Variants in GRIN2B observed in about 807,000 individuals in gnomAD.
GRIN2B encodes the protein glutamate ionotropic receptor NMDA type subunit 2B, also known as glutamate receptor ionotropic, NMDA 2B.
A neutral mutation model predicts 114.5 loss-of-function variants in GRIN2B; 5 were observed. The ratio of observed to expected loss-of-function variants is 0.04; its 90% CI spans 0.02 to 0.09. The LOEUF is 0.09. Ranked by LOEUF, GRIN2B falls within the 10% of genes least tolerant of loss-of-function variation. GRIN2B has a pLI of 1.00. For missense variants in GRIN2B, 1,108 were observed against 1,943.5 expected (o/e 0.57, Z 8.08); for synonymous variants, 787 against 745.1 (o/e 1.06, Z -0.92).
chr12:13,947,185 C>T (rs185928201), intron 2 of GRIN2B, among the ~76,000 whole-genome samples: 130 of 152,290 alleles, frequency 8.5e-4, no homozygotes, highest in African/African-American at 2.9e-3. Context: ...TGCTGTGTTG[C>T]AGAACTTCTC....
chr12:13,745,981 C>A (rs1276181081), intron 4 of GRIN2B, among the ~76,000 whole-genome samples: 1 of 151,370 alleles, frequency 6.6e-6, no homozygotes, highest in Non-Finnish European at 1.5e-5. Flanking sequence ...TTAAAAAAAA[C>A]ACCTTGCTCT....
chr12:13,818,595 C>G (rs1196944953), intron 3 of GRIN2B, among the ~76,000 whole-genome samples: 1 of 152,138 alleles, frequency 6.6e-6, no homozygotes, highest in Non-Finnish European at 1.5e-5. Flanking sequence ...ATTTATTATA[C>G]CTGTTTCACA....
intron 10 of GRIN2B, among the ~76,000 whole-genome samples, chr12:13,582,967 A>G (rs574685485): frequency 6.6e-6 from 1 of 152,302 alleles, no homozygotes; most frequent in African/African-American, 2.4e-5. Context: ...TATTTCATAA[A>G]ATCAGATAAT....
At chr12:13,811,249 C>A (rs1000915803) in intron 3 of GRIN2B, among the ~76,000 whole-genome samples, 3 of 152,204 alleles carry the variant, frequency 2.0e-5, no homozygotes, top group Non-Finnish European at 4.4e-5. Context: ...TCAGAAATGA[C>A]CTAGTCTTCT....
At chr12:13,639,106 G>A (rs1949689195) in intron 5 of GRIN2B, among the ~76,000 whole-genome samples, 1 of 152,104 alleles carries the variant, frequency 6.6e-6, no homozygotes, top group Admixed American at 6.6e-5. Flanking sequence ...CAAGGTCATT[G>A]GGCTAATGAG....
At chr12:13,670,713 C>T (rs979637107) in intron 5 of GRIN2B, among the ~76,000 whole-genome samples, 1 of 151,846 alleles carries the variant, frequency 6.6e-6, no homozygotes, top group Non-Finnish European at 1.5e-5. Flanking sequence ...TTTTTTTCAC[C>T]ATTTCTACCC....
At chr12:13,752,932 G>A (rs538068484) in intron 4 of GRIN2B, among the ~76,000 whole-genome samples, 17 of 152,278 alleles carry the variant, frequency 1.1e-4, no homozygotes, top group Middle Eastern at 3.4e-3. Context: ...GATCAGAGAG[G>A]CCTAGGTTCA....
At chr12:13,610,251 G>T (rs993339181) in intron 9 of GRIN2B, among the ~76,000 whole-genome samples, 1 of 152,222 alleles carries the variant, frequency 6.6e-6, no homozygotes, top group Non-Finnish European at 1.5e-5. Context: ...GCTCTAAGGA[G>T]ACTTGATATT....
At chr12:13,941,787 T>C (rs141680935) in intron 2 of GRIN2B, among the ~76,000 whole-genome samples, 1 of 152,206 alleles carries the variant, frequency 6.6e-6, no homozygotes, top group Non-Finnish European at 1.5e-5. Context: ...GTGCAAACCA[T>C]GGTAGCCGAA....
rs899827988 is a variant in GRIN2B at position 13,547,758 on chromosome 12, T to C, written c.*15025A>G. 6.6e-6 allele frequency: 1 copy of C among 151,926 alleles called. No individual in the cohort carries two copies. Among genetic ancestry groups the C allele is most frequent in the Non-Finnish European group, 1.5e-5 (1 of 67,968 alleles). The allele number at this position is 151,926 out of a possible 1,614,324, so 9.4% of individuals were successfully genotyped here. A position where few individuals can be genotyped will look rare whatever the true frequency, so the allele number is the denominator to read the frequency against. ...GTAAAGACACTGTAAATCTCAAAAATACTCCAACTTCCCTGATTCTTTTGG... is the reference window on the plus strand; with the variant it reads ...GTAAAGACACTGTAAATCTCAAAAACACTCCAACTTCCCTGATTCTTTTGG... On this transcript the variant is annotated 3_prime_UTR_variant, in exon 14 of 14. Coordinates refer to ENST00000609686, the MANE Select transcript of GRIN2B (RefSeq NM_000834.5).
intron 3 of GRIN2B, among the ~76,000 whole-genome samples, chr12:13,804,478 A>G (rs1864568855): frequency 6.6e-6 from 1 of 152,086 alleles, no homozygotes; most frequent in Non-Finnish European, 1.5e-5. Flanking sequence ...TCCAAACATA[A>G]GATATCTGAA....
In GRIN2B at chr12:13,552,560, C is replaced by T. The variant is rs545002631; in HGVS notation, c.*10223G>A. 5.9e-5 allele frequency: 9 copies of T among 152,096 alleles called. No homozygotes were observed. The East Asian group carries it at 1.7e-3, about 29-fold the overall frequency. 9.4% of individuals were successfully genotyped at this position (152,096 alleles called of 1,614,324 possible). On this transcript the variant is annotated 3_prime_UTR_variant, in exon 14 of 14. Transcript: ENST00000609686. ...TGGCTAAAATGCCTAGAATTTTGGTCCATTTATTGGCCCAAATGAGATTCA... is the reference window on the plus strand; with the variant it reads ...TGGCTAAAATGCCTAGAATTTTGGTTCATTTATTGGCCCAAATGAGATTCA...
chr12:13,966,887 C>T (rs1430101015), intron 2 of GRIN2B, among the ~76,000 whole-genome samples: 2 of 152,144 alleles, frequency 1.3e-5, no homozygotes, highest in East Asian at 1.9e-4. Flanking sequence ...AAGACATTTT[C>T]CCAATAAATG....
intron 2 of GRIN2B, among the ~76,000 whole-genome samples, chr12:13,918,187 A>C (rs1454841717): frequency 6.6e-6 from 1 of 152,214 alleles, no homozygotes. Flanking sequence ...TAATTTTCTA[A>C]CCTGTAAAAT....
chr12:13,751,620 T>C (rs1039932826), intron 4 of GRIN2B, among the ~76,000 whole-genome samples: 5 of 152,070 alleles, frequency 3.3e-5, no homozygotes, highest in African/African-American at 1.2e-4. Flanking sequence ...GCAGTGCAGA[T>C]TTGGCTAGGA....
chr12:13,670,110 T>C (rs771396939), intron 5 of GRIN2B, among the ~76,000 whole-genome samples: 2 of 152,152 alleles, frequency 1.3e-5, no homozygotes, highest in Non-Finnish European at 2.9e-5. Flanking sequence ...TCCTGAGTAC[T>C]ATCATGGGTT....
rs185595574 is a variant in GRIN2B at position 13,550,183 on chromosome 12, T to C, written c.*12600A>G. 6.6e-6 allele frequency: 1 copy of C among 152,344 alleles called. No homozygotes were observed. Among genetic ancestry groups the C allele is most frequent in the Non-Finnish European group, 1.5e-5 (1 of 68,032 alleles). 9.4% of individuals were successfully genotyped at this position (152,344 alleles called of 1,614,324 possible). A position where few individuals can be genotyped will look rare whatever the true frequency, so the allele number is the denominator to read the frequency against. On this transcript the variant is annotated 3_prime_UTR_variant, in exon 14 of 14. Coordinates refer to ENST00000609686, the MANE Select transcript of GRIN2B (RefSeq NM_000834.5). ...AGGAGGTTATTTGGAGAAGTGGTTATGGTAAATTCTTCTGTATTCACATAC... is the reference window on the plus strand; with the variant it reads ...AGGAGGTTATTTGGAGAAGTGGTTACGGTAAATTCTTCTGTATTCACATAC...
Position 13,566,954 on chromosome 12 carries a change from C to T in GRIN2B, c.2598+71G>A, listed in dbSNP as rs1177117475. On this transcript the variant is annotated intron_variant, in intron 13 of 13. Coordinates refer to ENST00000609686, the MANE Select transcript of GRIN2B (RefSeq NM_000834.5). ...GGGTGGAGATAGTGTCCTCTTGGTT[C>T]TCTCTGCTTTGCACAGTGCTAGGCT... The T allele has an allele frequency of 1.4e-5, 14 of 1,033,672 alleles. No individual in the cohort carries two copies. In the East Asian group the frequency reaches 3.1e-4, roughly 23 times the overall value. The allele number at this position is 1,033,672 out of a possible 1,614,324, so 64.0% of individuals were successfully genotyped here.
chr12:13,796,398 CA>C (rs1197644063), intron 3 of GRIN2B, among the ~76,000 whole-genome samples: 3 of 152,162 alleles, frequency 2.0e-5, no homozygotes, highest in Non-Finnish European at 4.4e-5. Context: ...CTTTGTGAGT[CA>C]GGGGGAAGAA....
Sources: gnomAD v4.1 joint callset for allele counts (sites outside exome capture counted in the v4.1 genomes callset) on GRCh38, gnomAD v4.1.1 for gene constraint, MANE v1.5 for transcripts, NCBI Gene and HGNC (gene_info 2026-07-23, HGNC 2026-07-21) for gene names.